TTBK2: variants seen among roughly 807,000 people sequenced by gnomAD.
The protein encoded by TTBK2 is tau tubulin kinase 2.
A neutral mutation model predicts 110.8 loss-of-function variants in TTBK2; 28 were observed. That is an observed-to-expected ratio of 0.25 (90% CI 0.19 to 0.35). The LOEUF is 0.35. Ranked by LOEUF, TTBK2 falls within the 10% of genes least tolerant of loss-of-function variation. The pLI is 1.00. For missense variants in TTBK2, 1,369 were observed against 1,500.3 expected (o/e 0.91, Z 1.45); for synonymous variants, 532 against 527.3 (o/e 1.01, Z -0.12).
chr15:42,873,831 C>T (rs16957244), intron 2 of TTBK2, among the ~76,000 whole-genome samples: 21,574 of 152,040 alleles, frequency 0.14, 1,643 homozygotes, highest in African/African-American at 0.19. Context: ...ATCACATTAT[C>T]CAACATCCAG....
intron 1 of TTBK2, among the ~76,000 whole-genome samples, chr15:42,891,706 T>C (rs1895463686): frequency 6.6e-6 from 1 of 152,132 alleles, no homozygotes; most frequent in African/African-American, 2.4e-5. Context: ...GTATCCTTTA[T>C]AATAAAAAGG....
chr15:42,828,375 C>T (rs1219269216), intron 5 of TTBK2, among the ~76,000 whole-genome samples: 1 of 146,866 alleles, frequency 6.8e-6, no homozygotes, highest in Non-Finnish European at 1.5e-5. Flanking sequence ...TAGGAGAAAT[C>T]AGAGATGGAC....
chr15:42,774,004 C>T (rs1889789689), intron 13 of TTBK2, among the ~76,000 whole-genome samples: 1 of 152,196 alleles, frequency 6.6e-6, no homozygotes, highest in Non-Finnish European at 1.5e-5. Flanking sequence ...ACCTGCCTAA[C>T]TATACAAAGC....
chr15:42,802,047 CT>C (rs1567032724), intron 9 of TTBK2: 1 of 1,474,496 alleles, frequency 6.8e-7, no homozygotes, highest in East Asian at 2.3e-5. Flanking sequence ...CGAGGCTCCA[CT>C]TGGTCTCAAG....
In TTBK2 at chr15:42,752,818, C is replaced by A. The variant is rs777340522; in HGVS notation, c.2428G>T (p.Val810Leu). The change falls in exon 14 of 15, where the codon GTA becomes TTA. Residue 810 changes from valine (V) to leucine (L), a missense_variant. Coordinates refer to ENST00000267890, the MANE Select transcript of TTBK2 (RefSeq NM_173500.4). ...GCTGAGTGATCCTTTTCCACAATTA[C>A]CAAATCTCCTGGGAGAGAGGAGATC... Reference protein sequence around the residue: ...IEISSLPGDLVIVEKDHSATT... With the variant: ...IEISSLPGDLLIVEKDHSATT... The A allele has an allele frequency of 6.2e-7, 1 of 1,614,170 alleles. No homozygotes were observed. Among genetic ancestry groups the A allele is most frequent in the East Asian group, 2.2e-5 (1 of 44,884 alleles).
chr15:42,787,923 T>A (rs1045373945), intron 10 of TTBK2, among the ~76,000 whole-genome samples: 1 of 152,120 alleles, frequency 6.6e-6, no homozygotes, highest in Non-Finnish European at 1.5e-5. Context: ...AACTATATTG[T>A]ATAGCCTATT....
At chr15:42,876,902 A>T (rs1894839758) in intron 2 of TTBK2, among the ~76,000 whole-genome samples, 1 of 152,228 alleles carries the variant, frequency 6.6e-6, no homozygotes. Flanking sequence ...TTAAACATTT[A>T]TAAGGATAAC....
In TTBK2 at chr15:42,777,088, A is replaced by G. The variant is rs1161014077; in HGVS notation, c.1352T>C (p.Leu451Pro). 5 of 1,614,038 alleles carry G rather than the reference A, an allele frequency of 3.1e-6. No homozygotes were observed. The highest frequency in any genetic ancestry group is 4.2e-6 in the Non-Finnish European group (5 of 1,180,028). The change falls in exon 12 of 15, where the codon CTG (leucine) becomes CCG (proline). Residue 451 changes from leucine to proline, a missense_variant. Coordinates refer to ENST00000267890, the MANE Select transcript of TTBK2 (RefSeq NM_173500.4). ...RKLRSIHSFE[L>P]EKRLTLEPKP... The stretch of plus-strand genomic sequence containing the variant: ...TGGCTCCAGGGTCAGACGTTTTTCC[A>G]GCTCAAAGCTGTGAATGGAACGTAA...
At chr15:42,833,846 A>G (rs760647387) in intron 4 of TTBK2, among the ~76,000 whole-genome samples, 2 of 152,092 alleles carry the variant, frequency 1.3e-5, no homozygotes, top group Admixed American at 6.6e-5. Flanking sequence ...CGTCTCTACT[A>G]AAAATACAAA....
At chr15:42,820,821 T>C (rs1892258187) in intron 6 of TTBK2, among the ~76,000 whole-genome samples, 3 of 151,754 alleles carry the variant, frequency 2.0e-5, no homozygotes, top group Non-Finnish European at 2.9e-5. Flanking sequence ...GGCAACATCA[T>C]AGTGAGACCC....
intron 3 of TTBK2, among the ~76,000 whole-genome samples, chr15:42,857,100 T>A (rs1331192485): frequency 6.6e-6 from 1 of 151,886 alleles, no homozygotes; most frequent in East Asian, 1.9e-4. Flanking sequence ...GGTTCATCAG[T>A]TGTAACAACT....
chr15:42,871,370 G>C, intron 3 of TTBK2: 1 of 878,440 alleles, frequency 1.1e-6, no homozygotes, highest in Non-Finnish European at 1.4e-6. Flanking sequence ...TTATCAAATA[G>C]AATCCTGAGT....
At chr15:42,810,476 T>C (rs948294246) in intron 9 of TTBK2, 138 bp downstream of exon 9, 178 of 1,063,254 alleles carry the variant, frequency 1.7e-4, no homozygotes, top group Non-Finnish European at 2.4e-4. Flanking sequence ...AATTTCACCA[T>C]GTTTCTCAGG....
intron 7 of TTBK2, among the ~76,000 whole-genome samples, chr15:42,812,498 C>T (rs563054616): frequency 6.6e-6 from 1 of 152,048 alleles, no homozygotes; most frequent in Non-Finnish European, 1.5e-5. Flanking sequence ...TCATGCCCTG[C>T]AGGAATGACA....
chr15:42,794,590 G>A (rs1890849276), intron 10 of TTBK2, 54 bp downstream of exon 10: 1 of 1,612,638 alleles, frequency 6.2e-7, no homozygotes, highest in Non-Finnish European at 8.5e-7. Flanking sequence ...GTAAATTTTT[G>A]CAAATATAAT....
intron 4 of TTBK2, among the ~76,000 whole-genome samples, chr15:42,832,908 T>C (rs534365982): frequency 1.2e-4 from 18 of 152,288 alleles, no homozygotes; most frequent in Non-Finnish European, 1.9e-4. Flanking sequence ...GGGGGTACTA[T>C]TGTAAGTACA....
At chr15:42,772,839 G>A (rs908352061) in intron 13 of TTBK2, among the ~76,000 whole-genome samples, 1 of 152,088 alleles carries the variant, frequency 6.6e-6, no homozygotes, top group Non-Finnish European at 1.5e-5. Context: ...CCAGCACTTT[G>A]GGAGGCCAAT....
chr15:42,776,969 CAAT>C lies in TTBK2; in HGVS notation c.1409+59_1409+61del, dbSNP rs778366891. On this transcript the variant is annotated intron_variant, in intron 12 of 14. Transcript: ENST00000267890. ...CAGAAATATACAATAATAATAACAA[CAAT>C]GACAACAATAATAATGGTACCTTAG... 5.5e-5 allele frequency: 83 copies of C among 1,510,836 alleles called. 2 individuals are homozygous for C. The highest frequency in any genetic ancestry group is 2.5e-4 in the East Asian group (11 of 44,374). The allele number at this position is 1,510,836 out of a possible 1,614,324, so 93.6% of individuals were successfully genotyped here.
chr15:42,883,278 G>A (rs548389400), intron 1 of TTBK2, among the ~76,000 whole-genome samples: 3 of 151,952 alleles, frequency 2.0e-5, no homozygotes, highest in African/African-American at 7.2e-5. Flanking sequence ...CTACTCGGGA[G>A]GCTGAGGCAG....
Sources: allele counts gnomAD v4.1 joint callset (sites outside exome capture counted in the v4.1 genomes callset), GRCh38; gene constraint gnomAD v4.1.1; transcripts MANE v1.5; gene names NCBI Gene and HGNC (gene_info 2026-07-23, HGNC 2026-07-21).